SGIP1: variants seen among roughly 807,000 people sequenced by gnomAD.
The protein encoded by SGIP1 is SH3-containing GRB2-like protein 3-interacting protein 1.
SGIP1 carries 38 observed loss-of-function variants against 107.5 expected under a neutral mutation model. The ratio of observed to expected loss-of-function variants is 0.35; its 90% CI spans 0.27 to 0.46. SGIP1 has a LOEUF of 0.46. Ranked by LOEUF, SGIP1 falls within the 20% of genes least tolerant of loss-of-function variation. The pLI is 1.00. For synonymous variants in SGIP1, 365 were observed against 366.1 expected (o/e 1.00, Z 0.03); for missense variants, 929 against 1,019.5 (o/e 0.91, Z 1.21).
intron 1 of SGIP1, among the ~76,000 whole-genome samples, chr1:66,600,675 A>G (rs1041252023): frequency 1.1e-4 from 16 of 152,186 alleles, no homozygotes; most frequent in Admixed American, 9.8e-4. Flanking sequence ...TGGACTATGA[A>G]GTGTCAGAGA....
At chr1:66,568,942 C>A (rs2060023058) in intron 1 of SGIP1, among the ~76,000 whole-genome samples, 1 of 151,884 alleles carries the variant, frequency 6.6e-6, no homozygotes. Flanking sequence ...GCATGTGGCA[C>A]AGACCTGGCC....
At chr1:66,712,689 T>G (rs1444345850) in intron 18 of SGIP1, among the ~76,000 whole-genome samples, 1 of 152,198 alleles carries the variant, frequency 6.6e-6, no homozygotes, top group Non-Finnish European at 1.5e-5. Context: ...TGTCTTCCCA[T>G]GAAATGCTTT....
At chr1:66,585,973 A>G (rs116310013) in intron 1 of SGIP1, among the ~76,000 whole-genome samples, 3 of 152,138 alleles carry the variant, frequency 2.0e-5, no homozygotes, top group South Asian at 2.1e-4. Context: ...TCCAACTACA[A>G]TTGTGGATTT....
At chr1:66,698,523 C>T (rs1185127537) in intron 18 of SGIP1, among the ~76,000 whole-genome samples, 8 of 152,084 alleles carry the variant, frequency 5.3e-5, no homozygotes, top group African/African-American at 1.4e-4. Flanking sequence ...GGACCACAGG[C>T]GCCCGCCACC....
In SGIP1 at chr1:66,548,248, A is replaced by G. The variant is rs146186477; in HGVS notation, c.10+13880A>G. Among the ~76,000 whole-genome samples, 239 of 151,692 alleles carry G rather than the reference A, an allele frequency of 1.6e-3. 2 individuals are homozygous for G. The highest frequency in any genetic ancestry group is 5.2e-3 in the African/African-American group (216 of 41,336). ...TATTTTTTATTTTATTTTTTTGAGG[A>G]GGAGGAGGGATTGTCTTGAATCTGT... On this transcript the variant is annotated intron_variant, in intron 1 of 24. Transcript: ENST00000371037.
At chr1:66,593,259 T>C (rs867027347) in intron 1 of SGIP1, among the ~76,000 whole-genome samples, 5 of 152,240 alleles carry the variant, frequency 3.3e-5, no homozygotes, top group African/African-American at 4.8e-5. Flanking sequence ...TAAACGTCCA[T>C]GTGCAGGTTT....
At chr1:66,713,923 T>C (rs914214191) in intron 18 of SGIP1, among the ~76,000 whole-genome samples, 7 of 152,230 alleles carry the variant, frequency 4.6e-5, no homozygotes, top group Non-Finnish European at 7.4e-5. Context: ...AGAATTTTAG[T>C]GATGGAAGGA....
At chr1:66,677,894 T>C (rs913518234) in intron 13 of SGIP1, among the ~76,000 whole-genome samples, 7 of 152,228 alleles carry the variant, frequency 4.6e-5, no homozygotes, top group Non-Finnish European at 8.8e-5. Flanking sequence ...GACCAACCAA[T>C]ACTTTTTCCA....
chr1:66,655,638 T>G (rs1211188724), intron 7 of SGIP1, among the ~76,000 whole-genome samples: 1 of 152,200 alleles, frequency 6.6e-6, no homozygotes, highest in Non-Finnish European at 1.5e-5. Flanking sequence ...CAAATATGTA[T>G]AGCATGTTAC....
chr1:66,541,962 A>G (rs1050689675), intron 1 of SGIP1, among the ~76,000 whole-genome samples: 3 of 152,206 alleles, frequency 2.0e-5, no homozygotes, highest in African/African-American at 4.8e-5. Context: ...TAGCATGTAC[A>G]TATTTTATTC....
chr1:66,587,287 T>C (rs2062782875), intron 1 of SGIP1, among the ~76,000 whole-genome samples: 1 of 152,088 alleles, frequency 6.6e-6, no homozygotes, highest in Non-Finnish European at 1.5e-5. Context: ...CAGCTATGCC[T>C]TCTTTCTTCT....
chr1:66,534,189 C>A lies in SGIP1; in HGVS notation c.-170C>A. On this transcript the variant is annotated 5_prime_UTR_variant, in exon 1 of 25. Coordinates refer to ENST00000371037, the MANE Select transcript of SGIP1 (RefSeq NM_032291.4). ...AGCCTGCCTGTAGGTGAAGAAGCAC[C>A]AGCAGCATCCATGGCCTGTCTTTTG... The A allele has an allele frequency of 1.5e-6, 1 of 660,156 alleles. No homozygotes were observed. Among genetic ancestry groups the A allele is most frequent in the East Asian group, 2.7e-5 (1 of 37,052 alleles). The allele number at this position is 660,156 out of a possible 1,614,324, so 40.9% of individuals were successfully genotyped here. A position where few individuals can be genotyped will look rare whatever the true frequency, so the allele number is the denominator to read the frequency against.
At chr1:66,618,879 T>G (rs927059696) in intron 1 of SGIP1, among the ~76,000 whole-genome samples, 1 of 152,210 alleles carries the variant, frequency 6.6e-6, no homozygotes, top group African/African-American at 2.4e-5. Context: ...CTGCAAATGA[T>G]AGCTGGAAGG....
At chr1:66,637,978 T>C (rs1455135726) in intron 4 of SGIP1, among the ~76,000 whole-genome samples, 1 of 151,896 alleles carries the variant, frequency 6.6e-6, no homozygotes, top group African/African-American at 2.4e-5. Flanking sequence ...CTGTAGAACT[T>C]TGAAAATTTT....
rs1557504662 is a variant in SGIP1, at chr1:66,660,187, GAAAGAAAGAAAGAA to G, written c.460-324_460-311del. ...AGAAAGAAAGAAAGAAAGAAAGAAA[GAAAGAAAGAAAGAA>G]AGAAAGAAAGAAAGAGAAAGAAAGA... On this transcript the variant is annotated intron_variant, in intron 7 of 24. Coordinates refer to ENST00000371037, the MANE Select transcript of SGIP1 (RefSeq NM_032291.4). 7.8e-4 allele frequency: 125 copies of G among 160,732 alleles called. 13 individuals are homozygous for G. In the Admixed American group the frequency reaches 0.011, roughly 14 times the overall value. 10.0% of individuals were successfully genotyped at this position (160,732 alleles called of 1,614,324 possible). A position where few individuals can be genotyped will look rare whatever the true frequency, so the allele number is the denominator to read the frequency against.
Position 66,625,836 on chromosome 1 carries a change from T to C in SGIP1, c.11-11T>C. On this transcript the variant is annotated splice_polypyrimidine_tract_variant and intron_variant, in intron 1 of 24. Coordinates refer to ENST00000371037, the MANE Select transcript of SGIP1 (RefSeq NM_032291.4). ...TGAGAGAGTTTTTGACCCTTTGCTG[T>C]TTTCCCACAGGATTGAAAAAACGTA... 1.9e-6 allele frequency: 3 copies of C among 1,611,478 alleles called. No homozygotes were observed. Among genetic ancestry groups the C allele is most frequent in the Non-Finnish European group, 2.5e-6 (3 of 1,178,428 alleles).
intron 1 of SGIP1, among the ~76,000 whole-genome samples, chr1:66,574,809 C>T (rs973925832): frequency 1.5e-4 from 23 of 152,042 alleles, no homozygotes; most frequent in Admixed American, 1.1e-3. Flanking sequence ...TGTGCACGCA[C>T]GCACATGTAT....
At chr1:66,615,517 C>T (rs1226114490) in intron 1 of SGIP1, among the ~76,000 whole-genome samples, 1 of 152,058 alleles carries the variant, frequency 6.6e-6, no homozygotes. Flanking sequence ...TAGATTTTAC[C>T]AAAGGACTGG....
chr1:66,711,786 T>G (rs2092938399), intron 18 of SGIP1, among the ~76,000 whole-genome samples: 1 of 152,106 alleles, frequency 6.6e-6, no homozygotes, highest in African/African-American at 2.4e-5. Context: ...CTGCTGCCCA[T>G]GCTTCAGATT....
Sources: gnomAD v4.1 joint callset for allele counts (sites outside exome capture counted in the v4.1 genomes callset) on GRCh38, gnomAD v4.1.1 for gene constraint, MANE v1.5 for transcripts, NCBI Gene and HGNC (gene_info 2026-07-23, HGNC 2026-07-21) for gene names.